Variants in NIPAL2 observed in about 807,000 individuals in gnomAD.
The protein encoded by NIPAL2 is NIPA like domain containing 2, also known as NIPA-like protein 2.
In NIPAL2, 43 loss-of-function variants were observed where a neutral mutation model predicts 48.9. The ratio of observed to expected loss-of-function variants is 0.88; its 90% CI spans 0.69 to 1.13. The LOEUF (loss-of-function observed/expected upper bound fraction) is 1.13. Ranked by LOEUF, NIPAL2 falls within the 50% of genes most tolerant of loss-of-function variation. The probability of loss-of-function intolerance (pLI) is 0.00; values close to 1 mark genes in which losing one functional copy is unlikely to be tolerated. For missense variants in NIPAL2, 446 were observed against 461.4 expected (o/e 0.97, Z 0.31); for synonymous variants, 167 against 174.6 (o/e 0.96, Z 0.34).
intron 1 of NIPAL2, among the ~76,000 whole-genome samples, chr8:98,257,989 T>C (rs1378075174): frequency 6.6e-6 from 1 of 152,212 alleles, no homozygotes. Context: ...CTTGGGCACA[T>C]GTTCTCATAA....
rs1470473573 is a variant in NIPAL2 at position 98,191,517 on chromosome 8, T to C, written c.*1461A>G. On this transcript the variant is annotated 3_prime_UTR_variant, in exon 11 of 11. Transcript: ENST00000430223. ...TCAGTCTGGCCAGGAGTGCAGATTA[T>C]GACAAAGAACAAAGCTAAAAGACCT... 6.6e-6 allele frequency: 1 copy of C among 152,188 alleles called. No homozygotes were observed. The highest frequency in any genetic ancestry group is 2.4e-5 in the African/African-American group (1 of 41,438). 9.4% of individuals were successfully genotyped at this position (152,188 alleles called of 1,614,324 possible). A position where few individuals can be genotyped will look rare whatever the true frequency, so the allele number is the denominator to read the frequency against.
chr8:98,269,816 G>T (rs910102279), intron 1 of NIPAL2, among the ~76,000 whole-genome samples: 20 of 152,062 alleles, frequency 1.3e-4, no homozygotes, highest in African/African-American at 4.6e-4. Context: ...GTACTCAATA[G>T]GCAGTTTTTT....
At chr8:98,199,941 T>C (rs549486145) in intron 8 of NIPAL2, among the ~76,000 whole-genome samples, 2 of 152,224 alleles carry the variant, frequency 1.3e-5, no homozygotes, top group Admixed American at 6.5e-5. Flanking sequence ...AGAAAATCTT[T>C]ATTTATTTAT....
intron 1 of NIPAL2, among the ~76,000 whole-genome samples, chr8:98,270,123 G>A (rs1344965104): frequency 6.6e-6 from 1 of 152,128 alleles, no homozygotes; most frequent in Non-Finnish European, 1.5e-5. Context: ...CTTTGCTATT[G>A]TGAATAGTGC....
chr8:98,286,273 A>G (rs190436394), intron 1 of NIPAL2, among the ~76,000 whole-genome samples: 4 of 152,258 alleles, frequency 2.6e-5, no homozygotes, highest in African/African-American at 9.6e-5. Flanking sequence ...ATACTATTAT[A>G]GCAGCTCAAA....
intron 3 of NIPAL2, among the ~76,000 whole-genome samples, chr8:98,251,086 A>G (rs750655023): frequency 9.2e-5 from 14 of 151,912 alleles, no homozygotes; most frequent in Non-Finnish European, 1.9e-4. Context: ...GACACATGAG[A>G]TAAATGGAGA....
At chr8:98,206,188 A>G (rs1256504039) in intron 6 of NIPAL2, among the ~76,000 whole-genome samples, 1 of 152,202 alleles carries the variant, frequency 6.6e-6, no homozygotes, top group African/African-American at 2.4e-5. Context: ...ACATGAAATA[A>G]AAAAACTATA....
At position 98,245,404 on chromosome 8, in the gene NIPAL2, C is replaced by T. The variant is rs528080819; in HGVS notation, c.376+7059G>A. On this transcript the variant is annotated intron_variant, in intron 3 of 10. Transcript: ENST00000430223. The stretch of plus-strand genomic sequence containing the variant: ...CAGTTTGAAAAATGTCATCTTACAG[C>T]GGGAAAAGTTCTACCATTCATGTTG... 1.8e-4 allele frequency among the ~76,000 whole-genome samples: 27 copies of T among 152,054 alleles called. No individual in the cohort carries two copies. In the East Asian group the frequency reaches 4.0e-3, roughly 23 times the overall value.
intron 4 of NIPAL2, among the ~76,000 whole-genome samples, chr8:98,226,377 AT>A (rs1386047021): frequency 6.6e-6 from 1 of 152,050 alleles, no homozygotes; most frequent in African/African-American, 2.4e-5. Context: ...CTTTCTGGGT[AT>A]TTTAGGGAAC....
intron 1 of NIPAL2, among the ~76,000 whole-genome samples, chr8:98,279,627 C>T (rs1233126665): frequency 3.3e-5 from 5 of 152,156 alleles, no homozygotes; most frequent in Admixed American, 6.5e-5. Context: ...GCCCAAGGCA[C>T]CCAGGTCAAG....
At chr8:98,236,258 G>T in intron 3 of NIPAL2, 44 bp from the exon 4 acceptor site, 1 of 1,353,022 alleles carries the variant, frequency 7.4e-7, no homozygotes, top group Non-Finnish European at 1.0e-6. Context: ...ATATAAAAGT[G>T]TCTATTACGC....
At chr8:98,238,958 TACCCC>T (rs1812852908) in intron 3 of NIPAL2, among the ~76,000 whole-genome samples, 1 of 152,142 alleles carries the variant, frequency 6.6e-6, no homozygotes, top group Admixed American at 6.5e-5. Context: ...CCCAAACCCC[TACCCC>T]ACCCTCCAAT....
chr8:98,250,981 C>G (rs892864681), intron 3 of NIPAL2, among the ~76,000 whole-genome samples: 1 of 152,146 alleles, frequency 6.6e-6, no homozygotes, highest in African/African-American at 2.4e-5. Flanking sequence ...TCTGTGAAAT[C>G]TCTGATCTTT....
intron 6 of NIPAL2, among the ~76,000 whole-genome samples, chr8:98,210,039 CT>C (rs1177257429): frequency 1.3e-5 from 2 of 151,780 alleles, no homozygotes; most frequent in Non-Finnish European, 2.9e-5. Context: ...TGTGGTTTTT[CT>C]TTTTTTCTGA....
chr8:98,223,080 A>C (rs1418339786), intron 4 of NIPAL2, among the ~76,000 whole-genome samples: 3 of 152,130 alleles, frequency 2.0e-5, no homozygotes, highest in Non-Finnish European at 2.9e-5. Context: ...GCTTTGAAGC[A>C]CCCTCAGGTG....
intron 1 of NIPAL2, among the ~76,000 whole-genome samples, chr8:98,260,789 T>G (rs943511692): frequency 5.9e-5 from 9 of 152,156 alleles, no homozygotes; most frequent in African/African-American, 2.2e-4. Context: ...AGCACAAGGA[T>G]GCCTGCCTGC....
chr8:98,291,564 TA>T (rs1341378917), intron 1 of NIPAL2, among the ~76,000 whole-genome samples: 1 of 152,218 alleles, frequency 6.6e-6, no homozygotes, highest in African/African-American at 2.4e-5. Flanking sequence ...AAACACCTAA[TA>T]ATATTCACAG....
chr8:98,194,693 T>G, intron 10 of NIPAL2, 35 bp downstream of exon 10: 11 of 1,215,268 alleles, frequency 9.1e-6, no homozygotes, highest in Non-Finnish European at 1.3e-5. Flanking sequence ...TTTATAAGGA[T>G]CAAATTTTCC....
intron 3 of NIPAL2, among the ~76,000 whole-genome samples, chr8:98,238,311 A>G (rs1191703341): frequency 6.6e-6 from 1 of 152,258 alleles, no homozygotes; most frequent in Non-Finnish European, 1.5e-5. Context: ...ATAAAATAAT[A>G]TCATCCTGTA....
Sources: gnomAD v4.1 joint callset for allele counts (sites outside exome capture counted in the v4.1 genomes callset) on GRCh38, gnomAD v4.1.1 for gene constraint, MANE v1.5 for transcripts, NCBI Gene and HGNC (gene_info 2026-07-23, HGNC 2026-07-21) for gene names.